PTPRJ: variants seen among roughly 807,000 people sequenced by gnomAD.
PTPRJ encodes receptor-type tyrosine-protein phosphatase eta.
In PTPRJ, 129 loss-of-function variants were observed where a neutral mutation model predicts 141.3. That is an observed-to-expected ratio of 0.91 (90% CI 0.79 to 1.06). PTPRJ has a LOEUF of 1.06. Ranked by LOEUF, PTPRJ falls within the 50% of genes least tolerant of loss-of-function variation. PTPRJ has a pLI of 0.00. For missense variants in PTPRJ, 1,601 were observed against 1,679.7 expected (o/e 0.95, Z 0.82); for synonymous variants, 610 against 640.5 (o/e 0.95, Z 0.72).
At chr11:48,025,663 C>T (rs1474764805) in intron 1 of PTPRJ, among the ~76,000 whole-genome samples, 1 of 152,226 alleles carries the variant, frequency 6.6e-6, no homozygotes, top group Non-Finnish European at 1.5e-5. Flanking sequence ...TCCCTTCCTG[C>T]ACCTCCAAGG....
At chr11:48,121,864 G>A (rs1856716485) in intron 4 of PTPRJ, among the ~76,000 whole-genome samples, 1 of 151,936 alleles carries the variant, frequency 6.6e-6, no homozygotes, top group Non-Finnish European at 1.5e-5. Context: ...TTTAAGGTGA[G>A]GAGAACCAAA....
chr11:47,988,043 C>T (rs978646971), intron 1 of PTPRJ, among the ~76,000 whole-genome samples: 46 of 152,352 alleles, frequency 3.0e-4, no homozygotes, highest in African/African-American at 1.0e-3. Flanking sequence ...GTGTTACAAA[C>T]GATTTGCGTC....
In PTPRJ at chr11:48,087,547, G is replaced by T. The variant is rs569802350; in HGVS notation, c.97-22511G>T. 2.0e-5 allele frequency among the ~76,000 whole-genome samples: 3 copies of T among 152,184 alleles called. No individual in the cohort carries two copies. In the East Asian group the frequency reaches 5.8e-4, roughly 29 times the overall value. On this transcript the variant is annotated intron_variant, in intron 1 of 24. Coordinates refer to ENST00000418331, the MANE Select transcript of PTPRJ (RefSeq NM_002843.4). ...GTAGATAAAACCAAGAAGTGACAGG[G>T]CTGGAAGGGATCTTAGGAATTAGTT...
chr11:48,130,464 G>A lies in PTPRJ; in HGVS notation c.1363G>A (p.Val455Ile). 6.2e-7 allele frequency: 1 copy of A among 1,610,800 alleles called. No homozygotes were observed. Residue 455 changes from valine to isoleucine, a missense_variant, in exon 8 of 25, where the codon GTT becomes ATT. By Grantham distance (29) the Val-to-Ile change is conservative. Coordinates refer to ENST00000418331, the MANE Select transcript of PTPRJ (RefSeq NM_002843.4). ...PGFLQVHTPP[V>I]PVSDFRVTVV... ...TGTTTACTTTCTTTGCATAGCCCCT[G>A]TTCCAGTTTCTGACTTCCGAGTGAC...
chr11:48,149,412 T>G lies in PTPRJ; in HGVS notation c.3000-35T>G, dbSNP rs528170822. 8.4e-6 allele frequency: 12 copies of G among 1,426,260 alleles called. No individual in the cohort carries two copies. In the African/African-American group the frequency reaches 1.6e-4, roughly 19 times the overall value. 88.4% of individuals were successfully genotyped at this position (1,426,260 alleles called of 1,614,324 possible). Reference sequence around the variant, plus strand: ...AGGGAAAAGCACAGGAAGGAATCCTTTTTTGTCTAATGGGTCTCTTTTCTC... The same window carrying G: ...AGGGAAAAGCACAGGAAGGAATCCTGTTTTGTCTAATGGGTCTCTTTTCTC... On this transcript the variant is annotated intron_variant, in intron 15 of 24. Coordinates refer to ENST00000418331, the MANE Select transcript of PTPRJ (RefSeq NM_002843.4).
intron 1 of PTPRJ, among the ~76,000 whole-genome samples, chr11:48,104,863 G>T (rs984021373): frequency 6.6e-6 from 1 of 152,128 alleles, no homozygotes; most frequent in African/African-American, 2.4e-5. Flanking sequence ...TAAGTTCAAG[G>T]ACTTCAGGGT....
intron 1 of PTPRJ, among the ~76,000 whole-genome samples, chr11:48,022,712 T>C (rs1853686443): frequency 6.6e-6 from 1 of 152,092 alleles, no homozygotes; most frequent in Non-Finnish European, 1.5e-5. Context: ...TGAAAGAGGC[T>C]TCTGGACCTC....
At chr11:48,102,787 G>T (rs992556552) in intron 1 of PTPRJ, among the ~76,000 whole-genome samples, 2 of 152,128 alleles carry the variant, frequency 1.3e-5, no homozygotes, top group African/African-American at 4.8e-5. Flanking sequence ...ATGGCAGTGG[G>T]CTAGATTCAG....
rs144342769 is a variant in PTPRJ at position 47,982,825 on chromosome 11, A to G, written c.96+1817A>G. The stretch of plus-strand genomic sequence containing the variant: ...TTTCATTAGCATATTGCCACTCTAC[A>G]CTTGTCCTGTATTTAGATATTTCCT... On this transcript the variant is annotated intron_variant, in intron 1 of 24. Coordinates refer to ENST00000418331, the MANE Select transcript of PTPRJ (RefSeq NM_002843.4). 3.3e-3 allele frequency among the ~76,000 whole-genome samples: 495 copies of G among 151,952 alleles called. 4 individuals are homozygous for G. The highest frequency in any genetic ancestry group is 0.011 in the African/African-American group (470 of 41,432).
At chr11:48,124,154 G>A (rs1053568439) in intron 5 of PTPRJ, among the ~76,000 whole-genome samples, 1 of 152,186 alleles carries the variant, frequency 6.6e-6, no homozygotes, top group Non-Finnish European at 1.5e-5. Flanking sequence ...CTATCTAACA[G>A]CTGTGTCAAC....
At chr11:48,041,316 C>T (rs192964225) in intron 1 of PTPRJ, among the ~76,000 whole-genome samples, 11 of 152,328 alleles carry the variant, frequency 7.2e-5, no homozygotes, top group Non-Finnish European at 1.3e-4. Flanking sequence ...TGTTCCTTGA[C>T]CATTCCCGGG....
intron 1 of PTPRJ, among the ~76,000 whole-genome samples, chr11:48,043,831 G>A (rs990606130): frequency 1.3e-5 from 2 of 152,068 alleles, no homozygotes; most frequent in South Asian, 4.1e-4. Flanking sequence ...CTTCTTTCTC[G>A]AAACCATCCT....
At chr11:48,065,170 A>G (rs1199600578) in intron 1 of PTPRJ, among the ~76,000 whole-genome samples, 1 of 151,202 alleles carries the variant, frequency 6.6e-6, no homozygotes, top group African/African-American at 2.4e-5. Flanking sequence ...ATGCACCACC[A>G]TGCCTGGCTA....
At chr11:48,043,416 A>G (rs1854315602) in intron 1 of PTPRJ, among the ~76,000 whole-genome samples, 2 of 152,098 alleles carry the variant, frequency 1.3e-5, no homozygotes, top group African/African-American at 2.4e-5. Flanking sequence ...GAACAGAACC[A>G]TACTCCTCAG....
At chr11:48,138,269 T>C (rs1857150989) in intron 10 of PTPRJ, among the ~76,000 whole-genome samples, 1 of 152,252 alleles carries the variant, frequency 6.6e-6, no homozygotes, top group African/African-American at 2.4e-5. Flanking sequence ...CCACCTGGTC[T>C]AGACACCCAT....
At chr11:48,140,266 G>A (rs1165271628) in intron 11 of PTPRJ, among the ~76,000 whole-genome samples, 1 of 152,212 alleles carries the variant, frequency 6.6e-6, no homozygotes, top group Admixed American at 6.5e-5. Context: ...CTGACCTCAA[G>A]TGATCCACCC....
intron 1 of PTPRJ, among the ~76,000 whole-genome samples, chr11:48,089,808 G>A (rs1279617443): frequency 1.3e-5 from 2 of 152,150 alleles, no homozygotes; most frequent in African/African-American, 4.8e-5. Context: ...AGGTAGAGTG[G>A]GCTCCTGAGC....
chr11:48,125,442 A>G (rs1383547518), intron 6 of PTPRJ, among the ~76,000 whole-genome samples: 1 of 152,194 alleles, frequency 6.6e-6, no homozygotes, highest in Admixed American at 6.5e-5. Flanking sequence ...GCCTCACGCC[A>G]TCTTTCACAG....
intron 1 of PTPRJ, among the ~76,000 whole-genome samples, chr11:48,030,816 G>A (rs1054052922): frequency 3.3e-5 from 5 of 152,122 alleles, no homozygotes; most frequent in African/African-American, 7.2e-5. Flanking sequence ...TCTGAGCAGC[G>A]TTCCTGGGAA....
Sources: allele counts gnomAD v4.1 joint callset (sites outside exome capture counted in the v4.1 genomes callset), GRCh38; gene constraint gnomAD v4.1.1; transcripts MANE v1.5; gene names NCBI Gene and HGNC (gene_info 2026-07-23, HGNC 2026-07-21).